Variants in LMBR1 observed in about 807,000 individuals in gnomAD.
LMBR1 encodes the protein limb development membrane protein 1.
In LMBR1, 52 loss-of-function variants were observed where a neutral mutation model predicts 73.9. The observed-to-expected ratio is 0.70, with a 90% CI of 0.56 to 0.89. LMBR1 has a LOEUF of 0.89. LMBR1 is among the 40% of genes least tolerant of loss of function. The pLI is 0.00. For synonymous variants in LMBR1, 215 were observed against 209.4 expected, an observed-to-expected ratio of 1.03 and a Z score of -0.23; for missense variants, 539 against 579.8, an observed-to-expected ratio of 0.93 and a Z score of 0.72.
chr7:156,787,218 A>G (rs891242680), intron 5 of LMBR1, among the ~76,000 whole-genome samples: 5 of 152,008 alleles, frequency 3.3e-5, no homozygotes, highest in African/African-American at 1.2e-4. Context: ...TTTTTCCCAA[A>G]CTAAAGGTCC....
At chr7:156,861,768 G>T (rs1797753725) in intron 1 of LMBR1, among the ~76,000 whole-genome samples, 1 of 152,134 alleles carries the variant, frequency 6.6e-6, no homozygotes, top group African/African-American at 2.4e-5. Flanking sequence ...TTAGGGTGGG[G>T]CAAAATGTCA....
rs1180880550 is a variant in LMBR1, at chr7:156,742,874, TCAA to T, written c.758-8620_758-8618del. On this transcript the variant is annotated intron_variant, in intron 9 of 16. Coordinates refer to ENST00000353442, the MANE Select transcript of LMBR1 (RefSeq NM_022458.4). The stretch of plus-strand genomic sequence containing the variant: ...TCAACAAAATACTAGCAAACCGAAT[TCAA>T]CAACACATTAAAAAGATCATTCATG... 7.2e-4 allele frequency among the ~76,000 whole-genome samples: 110 copies of T among 151,998 alleles called. 1 individual carries two copies. The highest frequency in any genetic ancestry group is 6.8e-4 in the Non-Finnish European group (46 of 67,974).
At chr7:156,771,389 C>T (rs28846981) in intron 5 of LMBR1, among the ~76,000 whole-genome samples, 1 of 152,032 alleles carries the variant, frequency 6.6e-6, no homozygotes, top group Non-Finnish European at 1.5e-5. Context: ...GTGACAAAGA[C>T]GGCATTACCA....
chr7:156,678,170 G>A lies in LMBR1; in HGVS notation c.*5908C>T, dbSNP rs185030022. 4 of 152,394 alleles carry A rather than the reference G, an allele frequency of 2.6e-5. No individual in the cohort carries two copies. The East Asian group carries it at 7.7e-4, about 29-fold the overall frequency. 9.4% of individuals were successfully genotyped at this position (152,394 alleles called of 1,614,324 possible). ...TAAACCTTCCGTGCCTATGTTGGCA[G>A]AGTCCATCTCTATTCTTTGCAACCA... On this transcript the variant is annotated 3_prime_UTR_variant, in exon 17 of 17. Transcript: ENST00000353442.
chr7:156,827,112 T>C (rs780437302), intron 3 of LMBR1, among the ~76,000 whole-genome samples: 1 of 152,042 alleles, frequency 6.6e-6, no homozygotes, highest in Non-Finnish European at 1.5e-5. Context: ...CAACATATGC[T>C]AACAGCAATG....
intron 4 of LMBR1, among the ~76,000 whole-genome samples, chr7:156,808,958 C>T (rs866366874): frequency 3.9e-5 from 6 of 152,174 alleles, no homozygotes; most frequent in East Asian, 3.8e-4. Flanking sequence ...TGTGTGTTAT[C>T]GTTGTCATAT....
intron 4 of LMBR1, among the ~76,000 whole-genome samples, chr7:156,805,682 T>G (rs2133518996): frequency 6.6e-6 from 1 of 152,358 alleles, no homozygotes; most frequent in South Asian, 2.1e-4. Context: ...GCTGGAATCT[T>G]GACAGGCATG....
rs1050839155 is a variant in LMBR1 at position 156,670,708 on chromosome 7, G to A, written n.867-1421C>T. Among the ~76,000 whole-genome samples, 1 of 152,124 alleles carries A rather than the reference G, an allele frequency of 6.6e-6. No homozygotes were observed. The highest frequency in any genetic ancestry group is 2.4e-5 in the African/African-American group (1 of 41,422). ...AGGTGAGATGGCATCTCCGTGTGTC[G>A]GGAGAGACCTAACCGCCAGTCTAGA... is the stretch of plus-strand genomic sequence containing the variant. On this transcript the variant is annotated intron_variant and non_coding_transcript_variant, in intron 4 of 4. Transcript: ENST00000430825. This position sits in a 1 kb window ranked among gnomAD's most constrained non-coding sequence, Gnocchi z 4.3.
chr7:156,734,083 G>C (rs1817388237), intron 10 of LMBR1, 94 bp downstream of exon 10: 8 of 700,816 alleles, frequency 1.1e-5, no homozygotes, highest in Non-Finnish European at 1.8e-5. Flanking sequence ...TTAACATAAA[G>C]ATTTCATAAA....
In LMBR1 at chr7:156,877,516, G is replaced by A. The variant is rs192407848; in HGVS notation, c.66+15412C>T. Among the ~76,000 whole-genome samples the A allele has an allele frequency of 4.5e-4, 68 of 152,144 alleles. No individual in the cohort carries two copies. In the East Asian group the frequency reaches 0.011, roughly 24 times the overall value. On this transcript the variant is annotated intron_variant, in intron 1 of 16. Transcript: ENST00000353442. ...ATCCTTAACAAAATACTAGCTAACC[G>A]AATCCAAAAACATATCAAAAAGGTA... is the stretch of plus-strand genomic sequence containing the variant.
intron 4 of LMBR1, among the ~76,000 whole-genome samples, chr7:156,804,728 T>C (rs1042293588): frequency 6.6e-6 from 1 of 152,190 alleles, no homozygotes; most frequent in Non-Finnish European, 1.5e-5. Flanking sequence ...AAGTTCTTTA[T>C]GGGCTCTGAA....
intron 1 of LMBR1, among the ~76,000 whole-genome samples, chr7:156,837,821 C>T (rs1347411009): frequency 2.1e-5 from 3 of 142,222 alleles, no homozygotes; most frequent in Non-Finnish European, 4.5e-5. Flanking sequence ...GGATCTCACT[C>T]TGTTGCTCAG....
At chr7:156,734,381 G>C (rs1817458848) in intron 9 of LMBR1, 124 bp from the exon 10 acceptor site, 1 of 571,646 alleles carries the variant, frequency 1.7e-6, no homozygotes, top group Admixed American at 3.5e-5. Flanking sequence ...AACAAGAAAT[G>C]TTGCTGTGAT....
At chr7:156,831,885 T>C (rs1476136160) in intron 3 of LMBR1, among the ~76,000 whole-genome samples, 3 of 152,310 alleles carry the variant, frequency 2.0e-5, no homozygotes, top group African/African-American at 7.2e-5. Flanking sequence ...AGGAGAAAGG[T>C]ATGTATCTCA....
chr7:156,772,492 A>G (rs1825386092), intron 5 of LMBR1, among the ~76,000 whole-genome samples: 2 of 152,126 alleles, frequency 1.3e-5, no homozygotes, highest in Admixed American at 6.5e-5. Context: ...AAGGATGCCC[A>G]TTCTCACCAC....
intron 15 of LMBR1, among the ~76,000 whole-genome samples, chr7:156,705,150 G>A (rs1176442089): frequency 3.3e-5 from 5 of 152,134 alleles, no homozygotes; most frequent in East Asian, 1.9e-4. Context: ...TCAGATTGTC[G>A]AAAGTCAAAG....
chr7:156,892,397 C>T (rs1803189143), intron 1 of LMBR1: 1 of 152,076 alleles, frequency 6.6e-6, no homozygotes, highest in Admixed American at 6.5e-5. Flanking sequence ...GCGGGCTCCG[C>T]GCAGCCCGGC....
chr7:156,682,694 T>C lies in LMBR1; in HGVS notation c.*1384A>G, dbSNP rs933512330. The C allele has an allele frequency of 6.6e-6, 1 of 152,242 alleles. No homozygotes were observed. Among genetic ancestry groups the C allele is most frequent in the African/African-American group, 2.4e-5 (1 of 41,454 alleles). The allele number at this position is 152,242 out of a possible 1,614,324, so 9.4% of individuals were successfully genotyped here. On this transcript the variant is annotated 3_prime_UTR_variant, in exon 17 of 17. Coordinates refer to ENST00000353442, the MANE Select transcript of LMBR1 (RefSeq NM_022458.4). ...ATTATTTTGGTTTAAAGTGGAAATT[T>C]CTGATGTCAAATAGACACAGCCTGC...
chr7:156,742,487 A>G (rs958854437), intron 9 of LMBR1, among the ~76,000 whole-genome samples: 5 of 152,184 alleles, frequency 3.3e-5, no homozygotes, highest in African/African-American at 1.2e-4. Flanking sequence ...GAGTAATTAC[A>G]TGTCAATACA....
Sources: gnomAD v4.1 joint callset for allele counts (sites outside exome capture counted in the v4.1 genomes callset) on GRCh38, gnomAD v4.1.1 for gene constraint, Gnocchi (gnomAD v3.1) non-coding constraint, MANE v1.5 for transcripts, NCBI Gene and HGNC (gene_info 2026-07-23, HGNC 2026-07-21) for gene names.